Variants in TASP1 observed in about 807,000 individuals in gnomAD.
The protein encoded by TASP1 is threonine aspartase 1.
In TASP1, 16 loss-of-function variants were observed where a neutral mutation model predicts 56.6. That is an observed-to-expected ratio of 0.28 (90% CI 0.19 to 0.43). TASP1 has a LOEUF of 0.43. TASP1 is among the 20% of genes least tolerant of loss of function. The pLI is 1.00. For synonymous variants in TASP1, 179 were observed against 184.2 expected, an observed-to-expected ratio of 0.97 and a Z score of 0.23; for missense variants, 393 against 511.6, an observed-to-expected ratio of 0.77 and a Z score of 2.24.
the TASP1 span, among the ~76,000 whole-genome samples, chr20:13,343,741 C>G: frequency 3.5e-3 from 535 of 152,310 alleles, 2 homozygotes; most frequent in Non-Finnish European, 5.7e-3. Flanking sequence ...TTTCTTTCAC[C>G]TGCAATTCCC....
At chr20:13,271,697 A>G in the TASP1 span, among the ~76,000 whole-genome samples, 2 of 152,182 alleles carry the variant, frequency 1.3e-5, no homozygotes, top group African/African-American at 4.8e-5. Flanking sequence ...TTTCCTCCCA[A>G]AGATGGTCCC....
chr20:13,620,429 T>C (rs1043394299), intron 4 of TASP1, among the ~76,000 whole-genome samples: 1 of 152,190 alleles, frequency 6.6e-6, no homozygotes, highest in Non-Finnish European at 1.5e-5. Context: ...CCAGATACAC[T>C]TTCTAGGCAA....
At chr20:13,343,222 G>A in the TASP1 span, among the ~76,000 whole-genome samples, 1 of 152,192 alleles carries the variant, frequency 6.6e-6, no homozygotes, top group Non-Finnish European at 1.5e-5. Flanking sequence ...ATGAGGTCCG[G>A]CAAGAGGCCA....
At chr20:13,130,509 T>C in the TASP1 span, among the ~76,000 whole-genome samples, 3 of 152,344 alleles carry the variant, frequency 2.0e-5, no homozygotes, top group Middle Eastern at 3.4e-3. Flanking sequence ...AGGAATAAGG[T>C]CAGTGTTCCT....
chr20:13,436,142 T>C (rs1394153149), intron 11 of TASP1, among the ~76,000 whole-genome samples: 2 of 152,000 alleles, frequency 1.3e-5, no homozygotes, highest in Non-Finnish European at 2.9e-5. Flanking sequence ...GAGTGGAGGA[T>C]ACCCACAGGA....
At chr20:13,513,212 G>A (rs937110356) in intron 10 of TASP1, among the ~76,000 whole-genome samples, 2 of 152,012 alleles carry the variant, frequency 1.3e-5, no homozygotes, top group Admixed American at 1.3e-4. Context: ...AAAAGTAAAG[G>A]GTTCCTGAAT....
chr20:13,404,609 G>A (rs186860571), intron 13 of TASP1, among the ~76,000 whole-genome samples: 1 of 150,028 alleles, frequency 6.7e-6, no homozygotes, highest in African/African-American at 2.5e-5. Context: ...TGTCTCTAAA[G>A]TAAGTAAGTA....
the TASP1 span, among the ~76,000 whole-genome samples, chr20:13,317,645 A>G: frequency 1.3e-5 from 2 of 152,134 alleles, no homozygotes; most frequent in African/African-American, 2.4e-5. Flanking sequence ...CTACACCAAT[A>G]GAGTCAGTTG....
At chr20:13,457,888 A>G (rs2043905596) in intron 11 of TASP1, among the ~76,000 whole-genome samples, 2 of 152,194 alleles carry the variant, frequency 1.3e-5, no homozygotes, top group Admixed American at 1.3e-4. Flanking sequence ...GCTAATAACT[A>G]AAGGACAAAA....
At chr20:13,218,450 G>T in the TASP1 span, among the ~76,000 whole-genome samples, 3 of 152,128 alleles carry the variant, frequency 2.0e-5, no homozygotes, top group Non-Finnish European at 4.4e-5. Flanking sequence ...GAGGTGGGGA[G>T]TGGGGCGATG....
chr20:13,143,399 C>A, the TASP1 span, among the ~76,000 whole-genome samples: 1 of 152,204 alleles, frequency 6.6e-6, no homozygotes, highest in Non-Finnish European at 1.5e-5. Context: ...ACCCTACTAA[C>A]TGCTTAATAT....
At chr20:13,576,150 C>T (rs954308183) in intron 6 of TASP1, among the ~76,000 whole-genome samples, 17 of 138,104 alleles carry the variant, frequency 1.2e-4, no homozygotes, top group African/African-American at 3.0e-4. Flanking sequence ...TGCAGCGAGC[C>T]GAGATCATGC....
the TASP1 span, among the ~76,000 whole-genome samples, chr20:13,378,769 C>A: frequency 6.6e-6 from 1 of 152,222 alleles, no homozygotes; most frequent in African/African-American, 2.4e-5. Context: ...GTATTGTGTG[C>A]ATATATATTT....
rs546419566 is a variant in TASP1, at chr20:13,469,792, C to CTTTTTTTTTTTTTTTTTTTTTTTT, written c.985+13411_985+13434dup. On this transcript the variant is annotated intron_variant, in intron 11 of 13. Transcript: ENST00000337743. ...ACAGTTGTCCAGGTCAATAAATGTC[C>CTTTTTTTTTTTTTTTTTTTTTTTT]TTTTTTTTTTTTTTTTTTTTTTTTT... Among the ~76,000 whole-genome samples, 5 of 39,544 alleles carry CTTTTTTTTTTTTTTTTTTTTTTTT rather than the reference C, an allele frequency of 1.3e-4. 1 individual carries two copies. Among genetic ancestry groups the CTTTTTTTTTTTTTTTTTTTTTTTT allele is most frequent in the African/African-American group, 1.7e-4 (2 of 11,436 alleles). The allele number at this position is 39,544 out of a possible 152,430, so 25.9% of individuals were successfully genotyped here. A position where few individuals can be genotyped will look rare whatever the true frequency, so the allele number is the denominator to read the frequency against.
At chr20:13,290,883 G>A in the TASP1 span, among the ~76,000 whole-genome samples, 1 of 152,198 alleles carries the variant, frequency 6.6e-6, no homozygotes, top group African/African-American at 2.4e-5. Flanking sequence ...AACTTGCCTA[G>A]AGTCACACAG....
intron 8 of TASP1, among the ~76,000 whole-genome samples, chr20:13,557,316 T>A (rs1237460395): frequency 2.6e-5 from 4 of 152,164 alleles, no homozygotes; most frequent in Non-Finnish European, 5.9e-5. Context: ...AATAAAAGCT[T>A]TCTGTGAAAG....
chr20:13,488,995 G>A (rs1294050936), intron 10 of TASP1, among the ~76,000 whole-genome samples: 1 of 152,098 alleles, frequency 6.6e-6, no homozygotes, highest in South Asian at 2.1e-4. Flanking sequence ...GCCCACCCTG[G>A]AGTAACAGTC....
At chr20:13,285,177 G>A in the TASP1 span, among the ~76,000 whole-genome samples, 1 of 152,164 alleles carries the variant, frequency 6.6e-6, no homozygotes, top group South Asian at 2.1e-4. Flanking sequence ...TGTAGTCCCA[G>A]CTACTCAGGA....
intron 4 of TASP1, among the ~76,000 whole-genome samples, chr20:13,611,919 C>G (rs2147443965): frequency 6.6e-6 from 1 of 152,304 alleles, no homozygotes; most frequent in South Asian, 2.1e-4. Context: ...GGCCAATCAA[C>G]ACGCATCTGT....
Sources: gnomAD v4.1 joint callset for allele counts (sites outside exome capture counted in the v4.1 genomes callset) on GRCh38, gnomAD v4.1.1 for gene constraint, MANE v1.5 for transcripts, NCBI Gene and HGNC (gene_info 2026-07-23, HGNC 2026-07-21) for gene names.